SERF2: variants seen among roughly 807,000 people sequenced by gnomAD.
SERF2 encodes the protein small EDRK-rich factor 2.
A neutral mutation model predicts 10.7 loss-of-function variants in SERF2; 4 were observed. That is an observed-to-expected ratio of 0.37 (90% CI 0.18 to 0.86). The LOEUF is 0.86. Among genes scored for constraint, SERF2 ranks in the 40% least tolerant of loss-of-function variants. SERF2 has a pLI of 0.43. For synonymous variants in SERF2, 26 were observed against 26.0 expected, an observed-to-expected ratio of 1.00 and a Z score of 0.01; for missense variants, 47 against 79.1, an observed-to-expected ratio of 0.59 and a Z score of 1.54.
chr15:43,779,099 A>C (rs2086945989), intron 1 of SERF2, among the ~76,000 whole-genome samples: 1 of 152,220 alleles, frequency 6.6e-6, no homozygotes, highest in African/African-American at 2.4e-5. Flanking sequence ...TGAGGTCATG[A>C]GATCTATTCA....
intron 1 of SERF2, 194 bp from the exon 2 acceptor site, chr15:43,792,781 C>T (rs146537683): frequency 2.0e-5 from 14 of 693,256 alleles, no homozygotes; most frequent in Non-Finnish European, 2.8e-5. Flanking sequence ...CTTCTCTAGT[C>T]CGTATTTTGA....
At position 43,783,927 on chromosome 15, in the gene SERF2, ATTTTTTTTTTTT is replaced by A. The variant is rs71111825; in HGVS notation, c.-526-1465_-526-1454del. On this transcript the variant is annotated intron_variant, in intron 1 of 4. Transcript: ENST00000381359. ...CAAGCGGGTGCCACCACGCCCAGCT[ATTTTTTTTTTTT>A]TTTTTTTTTTTTTTTTTGTATTTTT... 7.2e-3 allele frequency among the ~76,000 whole-genome samples: 348 copies of A among 48,170 alleles called. 2 individuals carry two copies. Among genetic ancestry groups the A allele is most frequent in the Admixed American group, 0.018 (47 of 2,662 alleles). 31.6% of individuals were successfully genotyped at this position (48,170 alleles called of 152,430 possible).
In SERF2 at chr15:43,795,866, C is replaced by G. The variant is rs766634461; in HGVS notation, c.*2093C>G. 1 of 886,700 alleles carries G rather than the reference C, an allele frequency of 1.1e-6. No individual in the cohort carries two copies. Among genetic ancestry groups the G allele is most frequent in the Non-Finnish European group, 1.7e-6 (1 of 584,642 alleles). The allele number at this position is 886,700 out of a possible 1,614,324, so 54.9% of individuals were successfully genotyped here. ...GCACACCTGGGTTCAAATTCTAGCT[C>G]CAGCATATAAGTGGCTGTGCAGACT... On this transcript the variant is annotated 3_prime_UTR_variant, in exon 3 of 3. Transcript: ENST00000249786.
In SERF2 at chr15:43,794,260, TC is replaced by T; in HGVS notation, c.*488del. 2.9e-6 allele frequency: 1 copy of T among 346,728 alleles called. No homozygotes were observed. The highest frequency in any genetic ancestry group is 7.5e-5 in the South Asian group (1 of 13,382). 21.5% of individuals were successfully genotyped at this position (346,728 alleles called of 1,614,324 possible). On this transcript the variant is annotated 3_prime_UTR_variant, in exon 3 of 3. Transcript: ENST00000249786. Reference sequence around the variant, plus strand: ...GAATCCTCTAAGAACCATAGAGACTTCTTTTCTGTGATTTTTGTTCCCCACC... The same window carrying T: ...GAATCCTCTAAGAACCATAGAGACTTTTTTCTGTGATTTTTGTTCCCCACC...
chr15:43,788,881 GGCTCACGCCTGT>G (rs2087029288), upstream of SERF2, among the ~76,000 whole-genome samples: 7 of 152,132 alleles, frequency 4.6e-5, no homozygotes, highest in African/African-American at 1.2e-4. Context: ...CGGGCGCGGT[GGCTCACGCCTGT>G]AATCCCAGCA....
Position 43,795,870 on chromosome 15 carries a change from C to G in SERF2, c.*2097C>G. 1.2e-6 allele frequency: 1 copy of G among 841,862 alleles called. No homozygotes were observed. The highest frequency in any genetic ancestry group is 1.7e-5 in the South Asian group (1 of 57,388). 52.1% of individuals were successfully genotyped at this position (841,862 alleles called of 1,614,324 possible). On this transcript the variant is annotated 3_prime_UTR_variant, in exon 3 of 3. Coordinates refer to ENST00000249786, the MANE Select transcript of SERF2 (RefSeq NM_001018108.4). ...ACCTGGGTTCAAATTCTAGCTCCAG[C>G]ATATAAGTGGCTGTGCAGACTTTGG...
intron 1 of SERF2, among the ~76,000 whole-genome samples, chr15:43,783,778 T>C: frequency 6.6e-6 from 1 of 151,712 alleles, no homozygotes. Flanking sequence ...TTTTTTTTTT[T>C]TGAAATGGAA....
At position 43,795,104 on chromosome 15, in the gene SERF2, G is replaced by A; in HGVS notation, c.*1331G>A. 1 of 1,614,018 alleles carries A rather than the reference G, an allele frequency of 6.2e-7. No homozygotes were observed. Among genetic ancestry groups the A allele is most frequent in the South Asian group, 1.1e-5 (1 of 91,052 alleles). ...GTGGGGGGCCAACAGAGTGGTGCCAGTAACAGCCCCAGATAGAGGAGTACG... is the reference window on the plus strand; with the variant it reads ...GTGGGGGGCCAACAGAGTGGTGCCAATAACAGCCCCAGATAGAGGAGTACG... On this transcript the variant is annotated 3_prime_UTR_variant, in exon 3 of 3. Coordinates refer to ENST00000249786, the MANE Select transcript of SERF2 (RefSeq NM_001018108.4).
At chr15:43,791,142 C>T (rs2087055518), upstream of SERF2, among the ~76,000 whole-genome samples, 1 of 151,896 alleles carries the variant, frequency 6.6e-6, no homozygotes, top group Non-Finnish European at 1.5e-5. Context: ...GGTGCGATCT[C>T]GGCTCACTGC....
upstream of SERF2, chr15:43,791,961 C>A (rs2087067655): frequency 3.6e-5 from 10 of 275,978 alleles, no homozygotes; most frequent in South Asian, 3.6e-4. Context: ...CTCTTGTCTA[C>A]GGGCGTTCTT....
rs1309566110 is a variant in SERF2 at position 43,794,758 on chromosome 15, G to A, written c.*985G>A. 1.5e-5 allele frequency: 7 copies of A among 472,818 alleles called. No individual in the cohort carries two copies. The highest frequency in any genetic ancestry group is 3.8e-5 in the African/African-American group (2 of 52,034). The allele number at this position is 472,818 out of a possible 1,614,324, so 29.3% of individuals were successfully genotyped here. ...GGGATCAGCGGTGGTTCTTTGAGCT[G>A]CTGATTTGGGTGTTAGGCTCTTGAG... On this transcript the variant is annotated 3_prime_UTR_variant, in exon 3 of 3. Coordinates refer to ENST00000249786, the MANE Select transcript of SERF2 (RefSeq NM_001018108.4).
At position 43,793,750 on chromosome 15, in the gene SERF2, G is replaced by A; in HGVS notation, c.157G>A (p.Glu53Lys). 3 of 1,614,164 alleles carry A rather than the reference G, an allele frequency of 1.9e-6. No homozygotes were observed. Among genetic ancestry groups the A allele is most frequent in the Non-Finnish European group, 2.5e-6 (3 of 1,180,014 alleles). ...GCAGCAGAAGCAGAAAAAGGCAAAC[G>A]AGAAGAAGGAGGAACCCAAGTAGCT... is the stretch of plus-strand genomic sequence containing the variant. ...IMQQKQKKAN[E>K]KKEEPK Residue 53 changes from glutamate to lysine, a missense_variant, in exon 3 of 3, where the codon GAG becomes AAG. By Grantham distance (56) the Glu-to-Lys change is moderately conservative. Coordinates refer to ENST00000249786, the MANE Select transcript of SERF2 (RefSeq NM_001018108.4).
intron 1 of SERF2, among the ~76,000 whole-genome samples, chr15:43,781,644 T>C (rs575950162): frequency 4.7e-5 from 7 of 147,604 alleles, no homozygotes; most frequent in African/African-American, 1.8e-4. Flanking sequence ...CAAGCTGGAG[T>C]GCAATGGTAC....
intron 2 of SERF2, among the ~76,000 whole-genome samples, chr15:43,786,338 C>T (rs958120849): frequency 6.6e-6 from 1 of 150,676 alleles, no homozygotes; most frequent in Non-Finnish European, 1.5e-5. Context: ...TGGTATGAGC[C>T]CAGGAGGCGG....
In SERF2 at chr15:43,793,720, A is replaced by G; in HGVS notation, c.127A>G (p.Ile43Val). Residue 43 changes from isoleucine to valine, a missense_variant, in exon 3 of 3, where the codon ATC (isoleucine) becomes GTC (valine). Transcript: ENST00000249786. ...AAARKQRDSE[I>V]MQQKQKKANE... ...CATCTCTACCCCCAGGGACTCGGAG[A>G]TCATGCAGCAGAAGCAGAAAAAGGC... 2 of 1,614,032 alleles carry G rather than the reference A, an allele frequency of 1.2e-6. No individual in the cohort carries two copies. Among genetic ancestry groups the G allele is most frequent in the Non-Finnish European group, 1.7e-6 (2 of 1,180,006 alleles).
intron 1 of SERF2, among the ~76,000 whole-genome samples, chr15:43,778,581 C>CAAAAAA: frequency 0.011 from 320 of 28,960 alleles, 53 homozygotes; most frequent in South Asian, 0.023. Flanking sequence ...GATTCCATCT[C>CAAAAAA]AAAAAAAAAA....
chr15:43,788,688 G>C (rs1293147719), upstream of SERF2, among the ~76,000 whole-genome samples: 1 of 152,136 alleles, frequency 6.6e-6, no homozygotes, highest in Non-Finnish European at 1.5e-5. Flanking sequence ...TCTTTTCAAA[G>C]CTTACACTAT....
intron 2 of SERF2, among the ~76,000 whole-genome samples, chr15:43,786,546 C>T (rs762216285): frequency 6.6e-6 from 1 of 152,144 alleles, no homozygotes; most frequent in Non-Finnish European, 1.5e-5. Context: ...AGCTTATCCC[C>T]CTCTCAGGGC....
chr15:43,793,842 C>T lies in SERF2; in HGVS notation c.*69C>T. ...CCTGGAGCCAGTCCCACCACGCTCG[C>T]GTTTCCTCCTGTAGTGCTCACAGGT... On this transcript the variant is annotated 3_prime_UTR_variant, in exon 3 of 3. Coordinates refer to ENST00000249786, the MANE Select transcript of SERF2 (RefSeq NM_001018108.4). 2.5e-6 allele frequency: 4 copies of T among 1,613,764 alleles called. No individual in the cohort carries two copies. The highest frequency in any genetic ancestry group is 3.4e-6 in the Non-Finnish European group (4 of 1,179,920).
Sources: allele counts gnomAD v4.1 joint callset (sites outside exome capture counted in the v4.1 genomes callset), GRCh38; gene constraint gnomAD v4.1.1; transcripts MANE v1.5; gene names NCBI Gene and HGNC (gene_info 2026-07-23, HGNC 2026-07-21).